Variants in ZNF277 observed in about 807,000 individuals in gnomAD.
The protein encoded by ZNF277 is nuclear receptor-interacting factor 4.
Under a neutral mutation model 60.7 loss-of-function variants are expected in ZNF277, and 55 were observed. The ratio of observed to expected loss-of-function variants is 0.91; its 90% confidence interval spans 0.73 to 1.13. The LOEUF (loss-of-function observed/expected upper bound fraction) is 1.13, where lower values mean the gene tolerates loss of function less well. Ranked by LOEUF, ZNF277 falls within the 50% of genes most tolerant of loss-of-function variation. The pLI is 0.00. For missense variants in ZNF277, 510 were observed against 523.0 expected, an observed-to-expected ratio of 0.98 and a Z score of 0.24; for synonymous variants, 178 against 179.3, an observed-to-expected ratio of 0.99 and a Z score of 0.06.
At chr7:112,338,563 G>A (rs765385621) in intron 9 of ZNF277, among the ~76,000 whole-genome samples, 1 of 152,110 alleles carries the variant, frequency 6.6e-6, no homozygotes, top group Admixed American at 6.5e-5. Context: ...TCTGCCAATA[G>A]TGGACCATAT....
chr7:112,207,462 A>T (rs1322521679), intron 1 of ZNF277, among the ~76,000 whole-genome samples: 3 of 152,200 alleles, frequency 2.0e-5, no homozygotes, highest in African/African-American at 7.2e-5. Context: ...AAGGAAAGTG[A>T]TAGATAATTT....
At chr7:112,313,887 T>G (rs1326577335) in intron 4 of ZNF277, among the ~76,000 whole-genome samples, 1 of 152,106 alleles carries the variant, frequency 6.6e-6, no homozygotes, top group Non-Finnish European at 1.5e-5. Context: ...GCACTTAGAT[T>G]TGTAGTGTGT....
chr7:112,301,595 C>T (rs1285379017), intron 4 of ZNF277, among the ~76,000 whole-genome samples: 3 of 152,136 alleles, frequency 2.0e-5, no homozygotes, highest in Admixed American at 6.6e-5. Context: ...GCTTCATGAA[C>T]TAGGAATGGC....
chr7:112,262,353 A>G (rs1791457633), intron 1 of ZNF277, among the ~76,000 whole-genome samples: 2 of 151,966 alleles, frequency 1.3e-5, no homozygotes, highest in Non-Finnish European at 2.9e-5. Flanking sequence ...TCAGCTTTAT[A>G]TTAAATCTCA....
At chr7:112,265,988 G>A (rs1310415794) in intron 1 of ZNF277, among the ~76,000 whole-genome samples, 2 of 152,140 alleles carry the variant, frequency 1.3e-5, no homozygotes, top group Non-Finnish European at 2.9e-5. Context: ...TATTTGGAGA[G>A]GGAAGGGTCC....
In ZNF277 at chr7:112,327,719, C is replaced by A. The variant is rs1485465633; in HGVS notation, c.560C>A (p.Ser187Tyr). The A allele has an allele frequency of 1.2e-6, 2 of 1,609,558 alleles. No homozygotes were observed. The highest frequency in any genetic ancestry group is 1.1e-5 in the South Asian group (1 of 90,118). ...TAATTGCTCAAATTTCTTCCTAGATCTGTTATTTTGAACCACATGGCCAGA... is the reference window on the plus strand; with the variant it reads ...TAATTGCTCAAATTTCTTCCTAGATATGTTATTTTGAACCACATGGCCAGA... ...FCNEEFLGNRSVILNHMAREH... is the reference protein window; with the variant it reads ...FCNEEFLGNRYVILNHMAREH... The change falls in exon 6 of 12, where the codon TCT (serine) becomes TAT (tyrosine). Residue 187 changes from serine (S) to tyrosine (Y), a missense_variant and splice_region_variant. By Grantham distance (144) the Ser-to-Tyr change is moderately radical. Coordinates refer to ENST00000361822, the MANE Select transcript of ZNF277 (RefSeq NM_021994.3).
rs1199369821 is a variant in ZNF277 at position 112,340,889 on chromosome 7, C to T, written c.1027C>T (p.Gln343Ter). ...ATTTTCAGGATTAAATTTCTATCAG[C>T]AAGTGAAACTGGTCAATTTTATTCG... ...KSELGLNFYQQVKLVNFIRRQ... is the reference protein window; with the variant it reads ...KSELGLNFYQ Residue 343 changes from glutamine to a stop codon, truncating the protein, a stop_gained, in exon 11 of 12, where the codon CAA becomes TAA. Coordinates refer to ENST00000361822, the MANE Select transcript of ZNF277 (RefSeq NM_021994.3). LOFTEE classifies it high-confidence loss of function. 3 of 1,609,364 alleles carry T rather than the reference C, an allele frequency of 1.9e-6. No individual in the cohort carries two copies. The highest frequency in any genetic ancestry group is 2.5e-6 in the Non-Finnish European group (3 of 1,178,362).
At chr7:112,294,395 C>G (rs1000890061) in intron 2 of ZNF277, among the ~76,000 whole-genome samples, 11 of 152,118 alleles carry the variant, frequency 7.2e-5, no homozygotes, top group African/African-American at 2.7e-4. Flanking sequence ...TCTGAGATTT[C>G]TAATATGGAA....
At chr7:112,252,759 G>A (rs6949809) in intron 1 of ZNF277, among the ~76,000 whole-genome samples, 59,568 of 152,036 alleles carry the variant, frequency 0.39, 15,085 homozygotes, top group African/African-American at 0.72. Flanking sequence ...ATTGAAGTGC[G>A]GTGACAACAT....
At chr7:112,277,021 G>A (rs1039131461) in intron 1 of ZNF277, among the ~76,000 whole-genome samples, 1 of 151,146 alleles carries the variant, frequency 6.6e-6, no homozygotes, top group African/African-American at 2.4e-5. Flanking sequence ...ATAAGTAACA[G>A]GATACATGAT....
intron 1 of ZNF277, among the ~76,000 whole-genome samples, chr7:112,246,394 AAAAC>A (rs1331528244): frequency 3.3e-5 from 5 of 152,140 alleles, no homozygotes; most frequent in Admixed American, 1.3e-4. Context: ...CCCTATCTCA[AAAAC>A]AAACAAACAA....
chr7:112,270,082 G>A (rs537328190), intron 1 of ZNF277, among the ~76,000 whole-genome samples: 8 of 152,066 alleles, frequency 5.3e-5, no homozygotes, highest in South Asian at 2.1e-4. Context: ...CACTGGATTC[G>A]CATCCAGAAT....
intron 4 of ZNF277, among the ~76,000 whole-genome samples, chr7:112,311,203 T>C (rs1479553283): frequency 1.3e-5 from 2 of 152,140 alleles, no homozygotes; most frequent in African/African-American, 2.4e-5. Context: ...ATATCTGCTG[T>C]TTTATTAATT....
chr7:112,295,273 G>A (rs149816667), intron 2 of ZNF277, among the ~76,000 whole-genome samples: 1 of 152,148 alleles, frequency 6.6e-6, no homozygotes, highest in Admixed American at 6.5e-5. Flanking sequence ...TAATTTAGCT[G>A]GTGTGTTGCT....
chr7:112,231,919 CA>C (rs1822342324), intron 1 of ZNF277, among the ~76,000 whole-genome samples: 1 of 151,630 alleles, frequency 6.6e-6, no homozygotes, highest in African/African-American at 2.4e-5. Flanking sequence ...CAGAAACAGA[CA>C]AAATAGTATT....
At chr7:112,215,023 C>T (rs1449249876) in intron 1 of ZNF277, among the ~76,000 whole-genome samples, 1 of 152,056 alleles carries the variant, frequency 6.6e-6, no homozygotes, top group African/African-American at 2.4e-5. Flanking sequence ...TTAAAGCACT[C>T]TATGAATCTT....
chr7:112,254,855 C>T (rs1791273993), intron 1 of ZNF277, among the ~76,000 whole-genome samples: 1 of 152,052 alleles, frequency 6.6e-6, no homozygotes, highest in African/African-American at 2.4e-5. Flanking sequence ...CTTGTAGTCC[C>T]AGCTACTCTG....
rs749659180 is a variant in ZNF277, at chr7:112,339,839, T to G, written c.967-4T>G. 5 of 1,612,172 alleles carry G rather than the reference T, an allele frequency of 3.1e-6. No homozygotes were observed. Among genetic ancestry groups the G allele is most frequent in the Non-Finnish European group, 4.2e-6 (5 of 1,179,546 alleles). Reference sequence around the variant, plus strand: ...GCTTACAGATGTATTCATTCCTTTTTTAGGATGCACACGAATTTGATCTTC... The same window carrying G: ...GCTTACAGATGTATTCATTCCTTTTGTAGGATGCACACGAATTTGATCTTC... On this transcript the variant is annotated splice_polypyrimidine_tract_variant and splice_region_variant and intron_variant, in intron 9 of 11. Transcript: ENST00000361822.
At chr7:112,330,678 C>T (rs1393207834) in intron 7 of ZNF277, among the ~76,000 whole-genome samples, 1 of 151,618 alleles carries the variant, frequency 6.6e-6, no homozygotes, top group Admixed American at 6.6e-5. Flanking sequence ...AATTCTCCTG[C>T]CTCAGCCTCC....
Sources: allele counts gnomAD v4.1 joint callset (sites outside exome capture counted in the v4.1 genomes callset), GRCh38; gene constraint gnomAD v4.1.1; transcripts MANE v1.5; gene names NCBI Gene and HGNC (gene_info 2026-07-23, HGNC 2026-07-21).